CDK14: variants seen among roughly 807,000 people sequenced by gnomAD.
The protein encoded by CDK14 is cyclin-dependent kinase 14.
A neutral mutation model predicts 60.7 loss-of-function variants in CDK14; 34 were observed. The observed-to-expected ratio is 0.56, with a 90% CI of 0.43 to 0.75. The LOEUF is 0.75. Among genes scored for constraint, CDK14 ranks in the 30% least tolerant of loss-of-function variants. The probability of loss-of-function intolerance (pLI) is 0.00; values close to 1 mark genes in which losing one functional copy is unlikely to be tolerated. For missense variants in CDK14, 482 were observed against 564.1 expected (o/e 0.85, Z 1.47); for synonymous variants, 197 against 203.7 (o/e 0.97, Z 0.28).
At chr7:90,667,158 C>T (rs1800998007) in intron 2 of CDK14, among the ~76,000 whole-genome samples, 1 of 152,168 alleles carries the variant, frequency 6.6e-6, no homozygotes, top group Non-Finnish European at 1.5e-5. Flanking sequence ...TGTCATTTCA[C>T]TCTTATAGTC....
Position 90,726,764 on chromosome 7 carries a change from C to T in CDK14, c.321C>T (p.Ser107=). The T allele has an allele frequency of 6.2e-7, 1 of 1,613,706 alleles. No individual in the cohort carries two copies. The highest frequency in any genetic ancestry group is 1.7e-5 in the Admixed American group (1 of 59,948). The change falls in exon 3 of 15, where the codon TCC becomes TCT. Residue 107 remains serine (S), a synonymous_variant. Coordinates refer to ENST00000380050, the MANE Select transcript of CDK14 (RefSeq NM_001287135.2). ...NNACINFKTS[S]TGKESPKVRR... is the part of the protein sequence containing the mutation. ...CTTGCATTAACTTTAAGACCTCCTC[C>T]ACTGGCAAAGAGTCACCTAAAGTTA...
chr7:91,193,413 T>A (rs1049802771), intron 14 of CDK14, among the ~76,000 whole-genome samples: 1 of 152,186 alleles, frequency 6.6e-6, no homozygotes, highest in African/African-American at 2.4e-5. Flanking sequence ...CAATCTGAGT[T>A]CTTTGTGTCT....
chr7:91,021,031 C>T (rs77207735), intron 10 of CDK14, among the ~76,000 whole-genome samples: 1 of 152,104 alleles, frequency 6.6e-6, no homozygotes, highest in Non-Finnish European at 1.5e-5. Context: ...ACATGATTCC[C>T]TAGAAGGCTT....
intron 3 of CDK14, among the ~76,000 whole-genome samples, chr7:90,731,761 A>C (rs1802874568): frequency 1.3e-5 from 2 of 152,314 alleles, no homozygotes; most frequent in Admixed American, 6.5e-5. Context: ...GGGGTTTTCT[A>C]AATATACAAT....
At chr7:90,607,005 G>A (rs1313613212) in intron 2 of CDK14, among the ~76,000 whole-genome samples, 2 of 152,058 alleles carry the variant, frequency 1.3e-5, no homozygotes, top group African/African-American at 4.8e-5. Flanking sequence ...CATGTTTTAT[G>A]TCAGACAGGT....
rs149728922 is a variant in CDK14 at position 90,692,118 on chromosome 7, T to C, written c.124-34449T>C. 6.8e-3 allele frequency among the ~76,000 whole-genome samples: 1,039 copies of C among 152,312 alleles called. 10 individuals are homozygous for C. Among genetic ancestry groups the C allele is most frequent in the African/African-American group, 0.023 (950 of 41,562 alleles). Reference sequence around the variant, plus strand: ...TGCTCCAATCTGCGAAATACATATGTTTTGCATCTGTAATTGTTTTAAAGA... The same window carrying C: ...TGCTCCAATCTGCGAAATACATATGCTTTGCATCTGTAATTGTTTTAAAGA... On this transcript the variant is annotated intron_variant, in intron 2 of 14. Transcript: ENST00000380050.
At chr7:90,931,786 G>T (rs3824043) in intron 8 of CDK14, among the ~76,000 whole-genome samples, 94,309 of 151,060 alleles carry the variant, frequency 0.62, 29,898 homozygotes, top group East Asian at 0.88. Flanking sequence ...GATTTTGTGT[G>T]TGTGTGTGTG....
intron 2 of CDK14, chr7:90,709,876 C>T: frequency 7.4e-7 from 1 of 1,342,524 alleles, no homozygotes; most frequent in Non-Finnish European, 9.6e-7. Flanking sequence ...GCTGTATGAG[C>T]CTGGCCTGGT....
chr7:90,848,072 G>T (rs1380239836), intron 5 of CDK14, among the ~76,000 whole-genome samples: 1 of 151,988 alleles, frequency 6.6e-6, no homozygotes, highest in Non-Finnish European at 1.5e-5. Flanking sequence ...GTGTATGTTG[G>T]GGGTGGGGTC....
At chr7:91,112,747 G>A (rs1584078184) in intron 13 of CDK14, 66 bp downstream of exon 13, 1 of 1,533,170 alleles carries the variant, frequency 6.5e-7, no homozygotes, top group Non-Finnish European at 9.0e-7. Flanking sequence ...GCATCTGTAT[G>A]TAACGTGTAT....
chr7:90,945,762 A>G (rs1329748617), intron 8 of CDK14, among the ~76,000 whole-genome samples: 1 of 152,224 alleles, frequency 6.6e-6, no homozygotes, highest in Non-Finnish European at 1.5e-5. Context: ...AGAGTCAAGA[A>G]TGCATCAGAA....
intron 6 of CDK14, among the ~76,000 whole-genome samples, chr7:90,892,220 G>A (rs1005819168): frequency 2.0e-5 from 3 of 151,780 alleles, no homozygotes; most frequent in African/African-American, 7.3e-5. Flanking sequence ...ATATGCAAAG[G>A]TGAGTGTTGT....
In CDK14 at chr7:91,039,354, A is replaced by G. The variant is rs142259096; in HGVS notation, c.1042-6543A>G. Among the ~76,000 whole-genome samples the G allele has an allele frequency of 3.2e-3, 488 of 152,334 alleles. 6 individuals are homozygous for G. The highest frequency in any genetic ancestry group is 0.011 in the African/African-American group (464 of 41,572). On this transcript the variant is annotated intron_variant, in intron 10 of 14. Coordinates refer to ENST00000380050, the MANE Select transcript of CDK14 (RefSeq NM_001287135.2). ...TTCTACACATAGGAAAGGGGTGGTC[A>G]TGTTGTCATCACTCAGTACATTTCT...
intron 5 of CDK14, among the ~76,000 whole-genome samples, chr7:90,847,973 G>A (rs1469943199): frequency 6.6e-6 from 1 of 152,078 alleles, no homozygotes; most frequent in Non-Finnish European, 1.5e-5. Context: ...TCACATCCTT[G>A]TCAGTGTTAT....
At chr7:90,789,203 G>C (rs975300245) in intron 4 of CDK14, among the ~76,000 whole-genome samples, 47 of 152,132 alleles carry the variant, frequency 3.1e-4, no homozygotes, top group African/African-American at 1.1e-3. Context: ...ATTAAACTTA[G>C]TATGCTATAC....
intron 9 of CDK14, among the ~76,000 whole-genome samples, chr7:90,970,256 G>A (rs1584183049): frequency 6.6e-6 from 1 of 152,306 alleles, no homozygotes; most frequent in East Asian, 1.9e-4. Context: ...GTGAGCCACT[G>A]TGCCTGGCTG....
chr7:91,092,560 G>A (rs1245266615), intron 12 of CDK14, among the ~76,000 whole-genome samples: 1 of 152,186 alleles, frequency 6.6e-6, no homozygotes, highest in Non-Finnish European at 1.5e-5. Context: ...TGATGAACAT[G>A]CGAATTATCG....
chr7:90,726,499 A>G, intron 2 of CDK14, 68 bp from the exon 3 acceptor site: 1 of 1,505,816 alleles, frequency 6.6e-7, no homozygotes, highest in East Asian at 2.3e-5. Flanking sequence ...CTAGAGTTAT[A>G]TATTGGCATG....
chr7:90,895,633 TCACTGCA>T (rs1310639399), intron 6 of CDK14, among the ~76,000 whole-genome samples: 1 of 138,994 alleles, frequency 7.2e-6, no homozygotes, highest in Non-Finnish European at 1.5e-5. Flanking sequence ...TGATCTTGAC[TCACTGCA>T]ACCTCCGTCT....
Sources: gnomAD v4.1 joint callset for allele counts (sites outside exome capture counted in the v4.1 genomes callset) on GRCh38, gnomAD v4.1.1 for gene constraint, MANE v1.5 for transcripts, NCBI Gene and HGNC (gene_info 2026-07-23, HGNC 2026-07-21) for gene names.